SORCS3: variants seen among roughly 807,000 people sequenced by gnomAD.
SORCS3 encodes VPS10 domain-containing receptor SorCS3.
Under a neutral mutation model 146.3 loss-of-function variants are expected in SORCS3, and 57 were observed. The observed-to-expected ratio is 0.39, with a 90% CI of 0.31 to 0.49. The LOEUF is 0.49. Among genes scored for constraint, SORCS3 ranks in the 20% least tolerant of loss-of-function variants. SORCS3 has a pLI of 0.92. For synonymous variants in SORCS3, 653 were observed against 618.5 expected, an observed-to-expected ratio of 1.06 and a Z score of -0.83; for missense variants, 1,341 against 1,575.5, an observed-to-expected ratio of 0.85 and a Z score of 2.52.
At chr10:104,696,980 G>A (rs1197487311) in intron 1 of SORCS3, among the ~76,000 whole-genome samples, 2 of 150,442 alleles carry the variant, frequency 1.3e-5, no homozygotes, top group African/African-American at 4.9e-5. Context: ...TGGAGGATAT[G>A]GCGATACGTT....
At chr10:104,879,953 T>C (rs2133574660) in intron 2 of SORCS3, among the ~76,000 whole-genome samples, 1 of 152,236 alleles carries the variant, frequency 6.6e-6, no homozygotes, top group South Asian at 2.1e-4. Flanking sequence ...CAGGATGGGA[T>C]TGGGGTGGTG....
intron 3 of SORCS3, among the ~76,000 whole-genome samples, chr10:104,926,088 G>T (rs1419420530): frequency 6.6e-6 from 1 of 152,198 alleles, no homozygotes; most frequent in South Asian, 2.1e-4. Flanking sequence ...AGTGGCTGCT[G>T]GGCCTCCCCT....
At chr10:104,757,171 T>C (rs1463995005) in intron 1 of SORCS3, among the ~76,000 whole-genome samples, 1 of 149,336 alleles carries the variant, frequency 6.7e-6, no homozygotes, top group African/African-American at 2.5e-5. Context: ...AAATGTTCTG[T>C]CCCCACATCA....
At chr10:104,987,965 A>G (rs1435045883) in intron 4 of SORCS3, among the ~76,000 whole-genome samples, 2 of 152,224 alleles carry the variant, frequency 1.3e-5, no homozygotes, top group African/African-American at 2.4e-5. Context: ...TTGGACGTAT[A>G]GCTGCTCCTT....
chr10:105,152,686 A>G (rs1230399352), intron 9 of SORCS3, among the ~76,000 whole-genome samples: 1 of 152,226 alleles, frequency 6.6e-6, no homozygotes, highest in African/African-American at 2.4e-5. Context: ...ATTAAAAATT[A>G]GTTTCTTCGT....
chr10:105,009,021 A>G (rs1212891470), intron 4 of SORCS3, among the ~76,000 whole-genome samples: 1 of 152,182 alleles, frequency 6.6e-6, no homozygotes, highest in Non-Finnish European at 1.5e-5. Context: ...AATACAGACA[A>G]ATACTGTTTT....
rs376732716 is a variant in SORCS3 at position 104,935,120 on chromosome 10, C to T, written c.795+19188C>T. On this transcript the variant is annotated intron_variant, in intron 3 of 26. Transcript: ENST00000369701. The stretch of plus-strand genomic sequence containing the variant: ...GGCCAATCATCGTATGATTAATTCT[C>T]GGAGCAGTCCTTTGACCCTTGTGAG... Among the ~76,000 whole-genome samples the T allele has an allele frequency of 1.2e-4, 19 of 152,308 alleles. No homozygotes were observed. In the East Asian group the frequency reaches 2.3e-3, roughly 19 times the overall value.
intron 4 of SORCS3, among the ~76,000 whole-genome samples, chr10:104,985,204 G>A (rs187081998): frequency 1.2e-3 from 181 of 152,174 alleles, no homozygotes; most frequent in African/African-American, 4.1e-3. Context: ...TATCAACTAC[G>A]TTTATGGAAT....
At chr10:105,071,042 C>G (rs1050304390) in intron 5 of SORCS3, among the ~76,000 whole-genome samples, 2 of 151,704 alleles carry the variant, frequency 1.3e-5, no homozygotes, top group African/African-American at 4.8e-5. Context: ...ATGAGCTATT[C>G]CCCTTCTGGG....
Position 105,178,188 on chromosome 10 carries a change from T to C in SORCS3, c.2009+15T>C, listed in dbSNP as rs762984126. On this transcript the variant is annotated intron_variant, in intron 14 of 26. Transcript: ENST00000369701. ...CACATCATGACGTGAGTACTTCTTT[T>C]GCTGTGACAGGAAGAAGACCAGAGA... 63 of 1,583,508 alleles carry C rather than the reference T, an allele frequency of 4.0e-5. No individual in the cohort carries two copies. The East Asian group carries it at 1.4e-3, about 35-fold the overall frequency.
intron 25 of SORCS3, among the ~76,000 whole-genome samples, chr10:105,259,134 C>A (rs1194869068): frequency 1.3e-5 from 2 of 152,152 alleles, no homozygotes; most frequent in African/African-American, 4.8e-5. Context: ...TCCAATAGAA[C>A]TTTGGCAATG....
chr10:105,191,404 C>T (rs1002398553), intron 14 of SORCS3, among the ~76,000 whole-genome samples: 1 of 152,060 alleles, frequency 6.6e-6, no homozygotes, highest in African/African-American at 2.4e-5. Flanking sequence ...ATAGAATAAT[C>T]TCAAAACCTG....
At chr10:104,963,645 C>A (rs534291012) in intron 3 of SORCS3, among the ~76,000 whole-genome samples, 1 of 152,260 alleles carries the variant, frequency 6.6e-6, no homozygotes, top group African/African-American at 2.4e-5. Context: ...AGATTCTTAT[C>A]TGCAGGCCAG....
intron 4 of SORCS3, among the ~76,000 whole-genome samples, chr10:104,982,387 T>C (rs2054936081): frequency 6.6e-6 from 1 of 152,226 alleles, no homozygotes; most frequent in African/African-American, 2.4e-5. Context: ...TGTAATTTTG[T>C]TGAGATCCTC....
intron 1 of SORCS3, among the ~76,000 whole-genome samples, chr10:104,673,309 T>C (rs989116640): frequency 6.6e-6 from 1 of 152,196 alleles, no homozygotes; most frequent in Admixed American, 6.5e-5. Context: ...TTGTTTTCTA[T>C]ATATGCCTTA....
In SORCS3 at chr10:104,812,435, A is replaced by T. The variant is rs1389546217; in HGVS notation, c.628-30357A>T. On this transcript the variant is annotated intron_variant, in intron 1 of 26. Transcript: ENST00000369701. ...GACCTAGCTTTTGTTGTATTATTTC[A>T]GTTAAAGCAAATAAACAAAACCTCT... Among the ~76,000 whole-genome samples, 3 of 152,234 alleles carry T rather than the reference A, an allele frequency of 2.0e-5. No homozygotes were observed. The East Asian group carries it at 5.8e-4, about 29-fold the overall frequency.
At chr10:105,114,312 C>T (rs1435434176) in intron 7 of SORCS3, among the ~76,000 whole-genome samples, 3 of 152,008 alleles carry the variant, frequency 2.0e-5, no homozygotes, top group South Asian at 4.2e-4. Flanking sequence ...AAAAAAAGTC[C>T]ATAATTAAGA....
intron 14 of SORCS3, among the ~76,000 whole-genome samples, chr10:105,193,791 G>A (rs903442947): frequency 2.0e-5 from 3 of 152,108 alleles, no homozygotes; most frequent in Admixed American, 2.0e-4. Flanking sequence ...TTGCGACCAT[G>A]CCCAGACCAC....
intron 4 of SORCS3, among the ~76,000 whole-genome samples, chr10:105,023,022 C>T (rs1249357193): frequency 6.6e-6 from 1 of 152,088 alleles, no homozygotes; most frequent in African/African-American, 2.4e-5. Flanking sequence ...CCCCCCTCTA[C>T]CAGTTAATGA....
Sources: allele counts gnomAD v4.1 joint callset (sites outside exome capture counted in the v4.1 genomes callset), GRCh38; gene constraint gnomAD v4.1.1; transcripts MANE v1.5; gene names NCBI Gene and HGNC (gene_info 2026-07-23, HGNC 2026-07-21).